The following TSHZ3 variants were observed in gnomAD, a reference collection of about 807,000 sequenced individuals.
The protein encoded by TSHZ3 is teashirt homolog 3.
A neutral mutation model predicts 64.5 loss-of-function variants in TSHZ3; 10 were observed. The observed-to-expected ratio is 0.16, with a 90% CI of 0.10 to 0.26. The LOEUF is 0.26. Ranked by LOEUF, TSHZ3 falls within the 10% of genes least tolerant of loss-of-function variation. The pLI is 1.00. For missense variants in TSHZ3, 1,242 were observed against 1,421.7 expected, an observed-to-expected ratio of 0.87 and a Z score of 2.03; for synonymous variants, 608 against 593.1, an observed-to-expected ratio of 1.03 and a Z score of -0.36.
downstream of TSHZ3, among the ~76,000 whole-genome samples, chr19:31,274,051 G>C (rs1976183755): frequency 6.6e-6 from 1 of 152,018 alleles, no homozygotes; most frequent in Non-Finnish European, 1.5e-5. Flanking sequence ...CTCCTCTTGA[G>C]AAAAAGGGGT....
chr19:31,223,734 T>G (rs1975421438), intron 4 of TSHZ3, among the ~76,000 whole-genome samples: 1 of 151,896 alleles, frequency 6.6e-6, no homozygotes, highest in South Asian at 2.1e-4. Context: ...TCATGGAAGA[T>G]AAAATATGGA....
chr19:31,169,251 A>C (rs1175567297), intron 5 of TSHZ3, among the ~76,000 whole-genome samples: 1 of 152,232 alleles, frequency 6.6e-6, no homozygotes, highest in African/African-American at 2.4e-5. Context: ...TAAACATAGA[A>C]TAACCATATG....
At chr19:31,292,124 G>GC (rs1976577301) in intron 1 of TSHZ3, among the ~76,000 whole-genome samples, 5 of 152,232 alleles carry the variant, frequency 3.3e-5, no homozygotes, top group Admixed American at 3.3e-4. Flanking sequence ...TTCTACAAAA[G>GC]CCATGAGGTA....
chr19:31,296,357 G>C (rs1302176641), intron 1 of TSHZ3, among the ~76,000 whole-genome samples: 1 of 127,518 alleles, frequency 7.8e-6, no homozygotes, highest in Non-Finnish European at 1.6e-5. Flanking sequence ...TTTTTGAGAC[G>C]AAGTTTTGCT....
At chr19:31,296,327 ATTTT>A (rs35057697) in intron 1 of TSHZ3, among the ~76,000 whole-genome samples, 9,193 of 94,252 alleles carry the variant, frequency 0.098, 411 homozygotes, top group South Asian at 0.14. Context: ...AGTGCTGTGA[ATTTT>A]TTTTTTTTTT....
chr19:31,306,578 T>C (rs1469271494), intron 1 of TSHZ3, among the ~76,000 whole-genome samples: 1 of 152,142 alleles, frequency 6.6e-6, no homozygotes, highest in African/African-American at 2.4e-5. Flanking sequence ...TGTATGCGTG[T>C]GTGTGTATGT....
At chr19:31,200,964 G>C (rs1844942367) in intron 5 of TSHZ3, among the ~76,000 whole-genome samples, 1 of 151,892 alleles carries the variant, frequency 6.6e-6, no homozygotes, top group Non-Finnish European at 1.5e-5. Context: ...ATATTAAACT[G>C]TACTTTAAAG....
intron 1 of TSHZ3, among the ~76,000 whole-genome samples, chr19:31,300,798 C>T (rs1407807719): frequency 2.6e-5 from 4 of 152,086 alleles, no homozygotes; most frequent in Non-Finnish European, 5.9e-5. Flanking sequence ...TAATGACACT[C>T]CTCCATCCAC....
chr19:31,335,270 C>T (rs1012942682), intron 1 of TSHZ3, among the ~76,000 whole-genome samples: 3 of 152,214 alleles, frequency 2.0e-5, no homozygotes, highest in African/African-American at 7.2e-5. Context: ...TTAAGCAAAG[C>T]GCTTTCTCAG....
In TSHZ3 at chr19:31,278,471, T is replaced by C; in HGVS notation, c.1322A>G (p.Lys441Arg). ...GGCTGCCAGGGGCACGGACTGGACC[T>C]TCTCATCCAGCAGGGTTGTGATGGT... Reference protein sequence around the residue: ...TPTITTLLDEKVQSVPLAATT... With the variant: ...TPTITTLLDERVQSVPLAATT... Residue 441 changes from lysine (K) to arginine (R), a missense_variant, in exon 2 of 2, where the codon AAG (lysine) becomes AGG (arginine). Physicochemically the swap from Lys to Arg is conservative, Grantham distance 26. This residue lies in a region of TSHZ3 where 555 missense variants were observed against 704.0 expected (regional missense o/e 0.79). Coordinates refer to ENST00000240587, the MANE Select transcript of TSHZ3 (RefSeq NM_020856.4). This position sits in a 1 kb window ranked among gnomAD's most constrained non-coding sequence, Gnocchi z 4.7. The C allele has an allele frequency of 4.3e-6, 7 of 1,614,162 alleles. No homozygotes were observed. Among genetic ancestry groups the C allele is most frequent in the Non-Finnish European group, 5.9e-6 (7 of 1,180,030 alleles).
intron 1 of TSHZ3, among the ~76,000 whole-genome samples, chr19:31,331,699 G>T (rs1389496813): frequency 6.6e-6 from 1 of 152,178 alleles, no homozygotes; most frequent in Non-Finnish European, 1.5e-5. Context: ...AAGGTTTCTG[G>T]GTACCTTATG....
chr19:31,298,992 C>T (rs1044727958), intron 1 of TSHZ3, among the ~76,000 whole-genome samples: 3 of 152,096 alleles, frequency 2.0e-5, no homozygotes, highest in Admixed American at 2.0e-4. Flanking sequence ...GTTAGGAGTT[C>T]GAGTCCAGCC....
At chr19:31,254,631 G>A (rs1056557273) in intron 1 of TSHZ3, among the ~76,000 whole-genome samples, 7 of 152,296 alleles carry the variant, frequency 4.6e-5, no homozygotes, top group Middle Eastern at 3.4e-3. Flanking sequence ...CAGGCCATCC[G>A]CCTCTCTGCT....
chr19:31,289,913 G>A (rs1976534847), intron 1 of TSHZ3, among the ~76,000 whole-genome samples: 1 of 152,326 alleles, frequency 6.6e-6, no homozygotes, highest in South Asian at 2.1e-4. Context: ...AAATCTGGAT[G>A]AATTGATTCA....
chr19:31,269,803 G>T (rs1326097402), intron 1 of TSHZ3, among the ~76,000 whole-genome samples: 1 of 152,198 alleles, frequency 6.6e-6, no homozygotes, highest in Non-Finnish European at 1.5e-5. Flanking sequence ...TTTTTAAAAA[G>T]AAAGCAGGAT....
At chr19:31,251,043 A>C (rs1367988641) in intron 1 of TSHZ3, among the ~76,000 whole-genome samples, 1 of 152,028 alleles carries the variant, frequency 6.6e-6, no homozygotes, top group East Asian at 1.9e-4. Flanking sequence ...CACCAAACAC[A>C]GTAGAAGGTT....
intron 5 of TSHZ3, among the ~76,000 whole-genome samples, chr19:31,200,135 C>T (rs1325205217): frequency 6.6e-6 from 1 of 151,912 alleles, no homozygotes; most frequent in Non-Finnish European, 1.5e-5. Context: ...CAAAATGAAA[C>T]AGCCAATTTG....
At chr19:31,236,138 C>T (rs1342847955) in intron 3 of TSHZ3, among the ~76,000 whole-genome samples, 1 of 152,156 alleles carries the variant, frequency 6.6e-6, no homozygotes, top group African/African-American at 2.4e-5. Context: ...GATCTATATC[C>T]AGAAGTGAGA....
intron 3 of TSHZ3, among the ~76,000 whole-genome samples, chr19:31,231,268 A>T (rs1319975806): frequency 6.6e-6 from 1 of 152,024 alleles, no homozygotes; most frequent in Non-Finnish European, 1.5e-5. Context: ...TGGCACGATG[A>T]TGTGATTCTC....
Sources: gnomAD v4.1 joint callset for allele counts (sites outside exome capture counted in the v4.1 genomes callset) on GRCh38, gnomAD v4.1.1 for gene constraint, gnomAD v4.1.1 regional missense constraint, Gnocchi (gnomAD v3.1) non-coding constraint, MANE v1.5 for transcripts, NCBI Gene and HGNC (gene_info 2026-07-23, HGNC 2026-07-21) for gene names.